TMTC1: variants seen among roughly 807,000 people sequenced by gnomAD.
The protein encoded by TMTC1 is protein O-mannosyl-transferase TMTC1.
A neutral mutation model predicts 104.8 loss-of-function variants in TMTC1; 73 were observed. The observed-to-expected ratio is 0.70, with a 90% CI of 0.58 to 0.85. The LOEUF (loss-of-function observed/expected upper bound fraction) is 0.85. Ranked by LOEUF, TMTC1 falls within the 40% of genes least tolerant of loss-of-function variation. TMTC1 has a pLI of 0.00. For missense variants in TMTC1, 1,035 were observed against 1,096.1 expected (o/e 0.94, Z 0.79); for synonymous variants, 434 against 428.7 (o/e 1.01, Z -0.15).
rs755720179 is a variant in TMTC1, at chr12:29,517,419, C to T, written c.2169+8G>A. ...GTTGCCAGCTTCATTTTCTTTCATC[C>T]TACTCACCAGTGCCAAGCGGAGCTC... is the stretch of plus-strand genomic sequence containing the variant. On this transcript the variant is annotated splice_region_variant and intron_variant, in intron 14 of 17. Transcript: ENST00000539277. 1.9e-6 allele frequency: 3 copies of T among 1,613,932 alleles called. No homozygotes were observed. Among genetic ancestry groups the T allele is most frequent in the South Asian group, 1.1e-5 (1 of 91,070 alleles).
At chr12:29,540,379 T>C (rs969611443) in intron 10 of TMTC1, among the ~76,000 whole-genome samples, 7 of 152,222 alleles carry the variant, frequency 4.6e-5, no homozygotes, top group Admixed American at 4.6e-4. Flanking sequence ...ACAAAAATAC[T>C]GACCACCATC....
chr12:29,640,917 A>AG (rs1317869546), intron 5 of TMTC1: 1 of 152,180 alleles, frequency 6.6e-6, no homozygotes, highest in Non-Finnish European at 1.5e-5. Flanking sequence ...GGTGGGAGTG[A>AG]GACCAGCCCT....
intron 5 of TMTC1, among the ~76,000 whole-genome samples, chr12:29,698,510 C>G (rs538958051): frequency 1.3e-5 from 2 of 152,288 alleles, no homozygotes; most frequent in South Asian, 2.1e-4. Flanking sequence ...TGTGTCCCAT[C>G]GTATCTACTC....
chr12:29,556,120 C>A (rs1945239436), intron 10 of TMTC1, among the ~76,000 whole-genome samples: 1 of 152,048 alleles, frequency 6.6e-6, no homozygotes, highest in Non-Finnish European at 1.5e-5. Context: ...ATTGTCTGGA[C>A]CATCACCAAC....
intron 5 of TMTC1, among the ~76,000 whole-genome samples, chr12:29,719,345 G>T (rs371115915): frequency 2.0e-4 from 31 of 152,242 alleles, no homozygotes; most frequent in African/African-American, 7.2e-4. Context: ...TTGGATGCCT[G>T]GGTTGCATTA....
intron 9 of TMTC1, among the ~76,000 whole-genome samples, chr12:29,569,169 T>G (rs1945599354): frequency 6.6e-6 from 1 of 152,164 alleles, no homozygotes; most frequent in African/African-American, 2.4e-5. Context: ...AGAAATATTA[T>G]AAATGATGTA....
At chr12:29,623,825 A>G (rs890637307) in intron 6 of TMTC1, among the ~76,000 whole-genome samples, 39 of 148,824 alleles carry the variant, frequency 2.6e-4, no homozygotes, top group African/African-American at 9.3e-4. Flanking sequence ...AAATAAATAA[A>G]TAAATTAAAT....
intron 5 of TMTC1, among the ~76,000 whole-genome samples, chr12:29,645,071 T>C (rs1355384264): frequency 6.6e-6 from 1 of 152,228 alleles, no homozygotes; most frequent in East Asian, 1.9e-4. Flanking sequence ...TATGTCTGTC[T>C]ATAATTATTT....
chr12:29,737,318 A>C (rs1942704762), intron 5 of TMTC1, among the ~76,000 whole-genome samples: 1 of 152,192 alleles, frequency 6.6e-6, no homozygotes, highest in African/African-American at 2.4e-5. Context: ...CCGGAATTCA[A>C]GACCAGCCTG....
chr12:29,687,352 G>A (rs183711158), intron 5 of TMTC1, among the ~76,000 whole-genome samples: 13 of 152,222 alleles, frequency 8.5e-5, no homozygotes, highest in African/African-American at 2.9e-4. Context: ...ACAATCATGA[G>A]TAAATAACCA....
intron 5 of TMTC1, among the ~76,000 whole-genome samples, chr12:29,724,435 G>A (rs192419498): frequency 1.3e-5 from 2 of 152,272 alleles, no homozygotes; most frequent in East Asian, 3.9e-4. Flanking sequence ...ACATATATAT[G>A]AGAAATGTAA....
intron 5 of TMTC1, among the ~76,000 whole-genome samples, chr12:29,643,723 TAA>T (rs1412160366): frequency 2.4e-5 from 1 of 41,584 alleles, no homozygotes; most frequent in African/African-American, 1.1e-4. Context: ...ATATAATATA[TAA>T]ATATATATTA....
intron 6 of TMTC1, among the ~76,000 whole-genome samples, chr12:29,626,328 A>G (rs1937991566): frequency 6.6e-6 from 1 of 152,182 alleles, no homozygotes; most frequent in Non-Finnish European, 1.5e-5. Context: ...AGTAAAAGGG[A>G]GATAAAGAAA....
chr12:29,758,743 G>A lies in TMTC1; in HGVS notation c.515C>T (p.Ala172Val), dbSNP rs745920952. Reference protein sequence around the residue: ...AGIVGRADVLACLLFLLAFLS... With the variant: ...AGIVGRADVLVCLLFLLAFLS... ...AAAGGCCAATAGAAACAGCAGACAC[G>A]CTAACACGTCCGCTCTGCCAACGAT... Residue 172 changes from alanine (A) to valine (V), a missense_variant, in exon 3 of 18, where the codon GCG becomes GTG. By Grantham distance (64) the Ala-to-Val change is moderately conservative. Coordinates refer to ENST00000539277, the MANE Select transcript of TMTC1 (RefSeq NM_001193451.2). The A allele has an allele frequency of 4.1e-5, 66 of 1,612,702 alleles. No homozygotes were observed. The highest frequency in any genetic ancestry group is 8.4e-5 in the Admixed American group (5 of 59,752).
At chr12:29,668,448 A>G (rs577738492) in intron 5 of TMTC1, among the ~76,000 whole-genome samples, 75 of 125,656 alleles carry the variant, frequency 6.0e-4, no homozygotes, top group African/African-American at 2.3e-3. Flanking sequence ...AACCATACCA[A>G]CTTATCTTTT....
intron 11 of TMTC1, among the ~76,000 whole-genome samples, chr12:29,529,230 A>C (rs1160465649): frequency 2.0e-5 from 3 of 152,192 alleles, no homozygotes; most frequent in African/African-American, 7.2e-5. Flanking sequence ...ATAAACCTTC[A>C]TGGACCCTGG....
chr12:29,609,912 G>A (rs1446526971), intron 6 of TMTC1: 3 of 152,432 alleles, frequency 2.0e-5, no homozygotes, highest in Non-Finnish European at 2.9e-5. Context: ...AACTCTGGCA[G>A]TAGCCGGTCT....
intron 5 of TMTC1, 99 bp from the exon 6 acceptor site, chr12:29,633,435 GTCA>G: frequency 1.2e-5 from 12 of 969,874 alleles, no homozygotes; most frequent in Non-Finnish European, 1.8e-5. Context: ...TTTCTACCCA[GTCA>G]ATGTTATCTT....
chr12:29,524,177 C>T (rs891928206), intron 11 of TMTC1, among the ~76,000 whole-genome samples: 5 of 152,090 alleles, frequency 3.3e-5, no homozygotes, highest in African/African-American at 1.2e-4. Context: ...TTTGAGGGAA[C>T]ATAGTGTGCC....
Sources: allele counts gnomAD v4.1 joint callset (sites outside exome capture counted in the v4.1 genomes callset), GRCh38; gene constraint gnomAD v4.1.1; transcripts MANE v1.5; gene names NCBI Gene and HGNC (gene_info 2026-07-23, HGNC 2026-07-21).